The following UBE2E2 variants were observed in gnomAD, a reference collection of about 807,000 sequenced individuals.
The protein encoded by UBE2E2 is ubiquitin-conjugating enzyme E2 E2.
UBE2E2 carries 6 observed loss-of-function variants against 24.7 expected under a neutral mutation model. The ratio of observed to expected loss-of-function variants is 0.24; its 90% CI spans 0.13 to 0.48. UBE2E2 has a LOEUF of 0.48. UBE2E2 is among the 20% of genes least tolerant of loss of function. The pLI is 0.99. For missense variants in UBE2E2, 169 were observed against 245.0 expected, an observed-to-expected ratio of 0.69 and a Z score of 2.07; for synonymous variants, 104 against 83.6, an observed-to-expected ratio of 1.24 and a Z score of -1.33.
rs71322194 is a variant in UBE2E2, at chr3:23,515,945, G to A, written c.360+16205G>A. ...AATGATGCCACTATACTCCAGCCTGGGCAACAGAGGGAGACCCTGTCTCTG... is the reference window on the plus strand; with the variant it reads ...AATGATGCCACTATACTCCAGCCTGAGCAACAGAGGGAGACCCTGTCTCTG... On this transcript the variant is annotated intron_variant, in intron 4 of 5. Transcript: ENST00000396703. 6.1e-3 allele frequency among the ~76,000 whole-genome samples: 928 copies of A among 152,162 alleles called. 5 individuals carry two copies. The highest frequency in any genetic ancestry group is 0.011 in the Non-Finnish European group (721 of 68,002).
chr3:23,444,698 A>G (rs1165763722), intron 3 of UBE2E2, among the ~76,000 whole-genome samples: 1 of 152,136 alleles, frequency 6.6e-6, no homozygotes, highest in Non-Finnish European at 1.5e-5. Context: ...TTCAGCTGAT[A>G]TTTTTTAATA....
intron 3 of UBE2E2, among the ~76,000 whole-genome samples, chr3:23,227,087 T>C (rs1033241646): frequency 5.3e-5 from 8 of 150,956 alleles, no homozygotes; most frequent in South Asian, 2.1e-4. Context: ...CTTTAAAGAG[T>C]GTGATATTTG....
intron 4 of UBE2E2, among the ~76,000 whole-genome samples, chr3:23,508,656 C>T (rs1227651457): frequency 1.3e-5 from 2 of 152,146 alleles, no homozygotes; most frequent in Non-Finnish European, 2.9e-5. Flanking sequence ...AGAGCCCTGC[C>T]ATAAAGGTGG....
intron 4 of UBE2E2, among the ~76,000 whole-genome samples, chr3:23,504,047 A>C (rs531569976): frequency 6.6e-6 from 1 of 152,320 alleles, no homozygotes; most frequent in African/African-American, 2.4e-5. Flanking sequence ...CTGATTATTC[A>C]TGCCATTTAG....
In UBE2E2 at chr3:23,580,885, C is replaced by G. The variant is rs886575374; in HGVS notation, c.509-8849C>G. On this transcript the variant is annotated intron_variant, in intron 5 of 5. Transcript: ENST00000396703. ...ATTTTAATAACTTGATTCAGGTAAT[C>G]AGATGTCCCAGAAAATATCCCAAAC... is the stretch of plus-strand genomic sequence containing the variant. Among the ~76,000 whole-genome samples the G allele has an allele frequency of 8.6e-5, 13 of 151,860 alleles. 2 individuals are homozygous for G. Among genetic ancestry groups the G allele is most frequent in the Admixed American group, 2.0e-4 (3 of 15,254 alleles).
intron 4 of UBE2E2, among the ~76,000 whole-genome samples, chr3:23,511,999 T>C (rs2125465983): frequency 6.6e-6 from 1 of 152,224 alleles, no homozygotes; most frequent in African/African-American, 2.4e-5. Flanking sequence ...TTAATCGAAC[T>C]AAAACTTATA....
intron 3 of UBE2E2, among the ~76,000 whole-genome samples, chr3:23,309,622 A>G (rs957179678): frequency 7.2e-5 from 11 of 152,122 alleles, no homozygotes; most frequent in African/African-American, 2.7e-4. Flanking sequence ...TTCACATTGT[A>G]TACTGTATGT....
At chr3:23,303,292 T>G (rs1292037562) in intron 3 of UBE2E2, among the ~76,000 whole-genome samples, 1 of 152,130 alleles carries the variant, frequency 6.6e-6, no homozygotes, top group Non-Finnish European at 1.5e-5. Flanking sequence ...TTTCATTATA[T>G]ATTACAATGT....
At chr3:23,491,076 T>G (rs1012192695) in intron 3 of UBE2E2, among the ~76,000 whole-genome samples, 2 of 152,152 alleles carry the variant, frequency 1.3e-5, no homozygotes, top group Non-Finnish European at 2.9e-5. Context: ...CTGCATGGAG[T>G]TTAGTGTATG....
intron 3 of UBE2E2, among the ~76,000 whole-genome samples, chr3:23,498,244 TA>T (rs1173488510): frequency 1.3e-5 from 2 of 152,202 alleles, no homozygotes; most frequent in Non-Finnish European, 2.9e-5. Flanking sequence ...CAAACTCTAA[TA>T]TTTTGACTTT....
At chr3:23,244,171 TA>T (rs1170968930) in intron 3 of UBE2E2, among the ~76,000 whole-genome samples, 1 of 151,352 alleles carries the variant, frequency 6.6e-6, no homozygotes, top group Admixed American at 6.6e-5. Flanking sequence ...ATGAGGAAAT[TA>T]AAAAAAAGTT....
chr3:23,333,976 A>G (rs1695138646), intron 3 of UBE2E2, among the ~76,000 whole-genome samples: 1 of 152,162 alleles, frequency 6.6e-6, no homozygotes, highest in Admixed American at 6.5e-5. Flanking sequence ...TATTATTGTT[A>G]AATTAAAAGT....
At chr3:23,269,515 G>A (rs1698174131) in intron 3 of UBE2E2, among the ~76,000 whole-genome samples, 1 of 152,176 alleles carries the variant, frequency 6.6e-6, no homozygotes, top group South Asian at 2.1e-4. Context: ...AGTCTGCCAG[G>A]AAATCAGTTC....
rs902653646 is a variant in UBE2E2, at chr3:23,280,360, T to C, written c.227+63048T>C. Among the ~76,000 whole-genome samples the C allele has an allele frequency of 1.3e-5, 2 of 152,224 alleles. No individual in the cohort carries two copies. The highest frequency in any genetic ancestry group is 2.9e-5 in the Non-Finnish European group (2 of 68,034). ...CTTTGGGAAACAAATGTTGCACATA[T>C]GGCATCATCTTTCTTCCTCCTACAG... On this transcript the variant is annotated intron_variant, in intron 3 of 5. Transcript: ENST00000396703. This position sits in a 1 kb window ranked among gnomAD's most constrained non-coding sequence, Gnocchi z 4.3.
chr3:23,251,589 G>T (rs1199524617), intron 3 of UBE2E2, among the ~76,000 whole-genome samples: 1 of 152,144 alleles, frequency 6.6e-6, no homozygotes, highest in South Asian at 2.1e-4. Context: ...TATGAAAGGA[G>T]CTTGTCTCTC....
intron 3 of UBE2E2, among the ~76,000 whole-genome samples, chr3:23,339,620 G>A (rs897273968): frequency 6.6e-6 from 1 of 152,052 alleles, no homozygotes; most frequent in Non-Finnish European, 1.5e-5. Context: ...GGGAAGAGGA[G>A]ATGATATGGT....
intron 1 of UBE2E2, chr3:23,204,632 C>T (rs1696096674): frequency 3.2e-6 from 3 of 950,982 alleles, no homozygotes; most frequent in African/African-American, 1.8e-5. Context: ...TGTGGGCTGA[C>T]GCTGAAATAG....
chr3:23,367,189 T>C (rs1196865380), intron 3 of UBE2E2, among the ~76,000 whole-genome samples: 2 of 152,338 alleles, frequency 1.3e-5, no homozygotes, highest in African/African-American at 4.8e-5. Context: ...TAATTTGCCC[T>C]GTGTTTGTTG....
chr3:23,432,369 C>A (rs2125401427), intron 3 of UBE2E2, among the ~76,000 whole-genome samples: 1 of 152,052 alleles, frequency 6.6e-6, no homozygotes. Flanking sequence ...AAAGGAATAA[C>A]CAAAAATCAT....
Sources: allele counts gnomAD v4.1 joint callset (sites outside exome capture counted in the v4.1 genomes callset), GRCh38; gene constraint gnomAD v4.1.1; non-coding constraint Gnocchi (gnomAD v3.1); transcripts MANE v1.5; gene names NCBI Gene and HGNC (gene_info 2026-07-23, HGNC 2026-07-21).